MICAL2: variants seen among roughly 807,000 people sequenced by gnomAD.
MICAL2 encodes the protein microtubule associated monooxygenase, calponin and LIM domain containing 2.
In MICAL2, 77 loss-of-function variants were observed where a neutral mutation model predicts 127.3. The ratio of observed to expected loss-of-function variants is 0.60; its 90% CI spans 0.50 to 0.73. The LOEUF (loss-of-function observed/expected upper bound fraction) is 0.73, where lower values mean the gene tolerates loss of function less well. Among genes scored for constraint, MICAL2 ranks in the 30% least tolerant of loss-of-function variants. The pLI, the probability that MICAL2 is intolerant of heterozygous loss-of-function variation, is 0.00. For missense variants in MICAL2, 1,351 were observed against 1,434.4 expected (o/e 0.94, Z 0.94); for synonymous variants, 570 against 551.1 (o/e 1.03, Z -0.48).
At chr11:12,275,263 G>A (rs10765937), upstream of MICAL2, among the ~76,000 whole-genome samples, 10 of 151,978 alleles carry the variant, frequency 6.6e-5, no homozygotes, top group Non-Finnish European at 1.5e-4. Flanking sequence ...TGTTAGACAC[G>A]TAGACGGAGA....
In MICAL2 at chr11:12,133,232, C is replaced by A. The variant is rs539905391; in HGVS notation, c.-148-5158C>A. Among the ~76,000 whole-genome samples, 3 of 152,244 alleles carry A rather than the reference C, an allele frequency of 2.0e-5. No individual in the cohort carries two copies. The East Asian group carries it at 5.8e-4, about 29-fold the overall frequency. ...AAGTAGCTGGGATTACAGGCGTGCG[C>A]CACCACACCTGGCTAATTTTTGTAT... is the stretch of plus-strand genomic sequence containing the variant. On this transcript the variant is annotated intron_variant, in intron 1 of 27. Coordinates refer to ENST00000683283, the MANE Select transcript of MICAL2 (RefSeq NM_001282663.2).
chr11:12,195,990 T>C (rs1391818081), intron 3 of MICAL2: 1 of 153,222 alleles, frequency 6.5e-6, no homozygotes, highest in African/African-American at 2.4e-5. Context: ...TGATCTGACT[T>C]GAGGAGGACT....
At chr11:12,320,155 G>A (rs966224847) in intron 30 of MICAL2, among the ~76,000 whole-genome samples, 1 of 152,094 alleles carries the variant, frequency 6.6e-6, no homozygotes, top group African/African-American at 2.4e-5. Flanking sequence ...TTTCCCTGGG[G>A]GAAGCACAGC....
downstream of MICAL2, chr11:12,358,486 C>T: frequency 6.2e-7 from 1 of 1,612,222 alleles, no homozygotes; most frequent in African/African-American, 1.3e-5. Context: ...TTGAGGAGGC[C>T]CGTAGTCCCT....
At chr11:12,340,836 G>T (rs1325199886) in intron 32 of MICAL2, among the ~76,000 whole-genome samples, 2 of 152,040 alleles carry the variant, frequency 1.3e-5, no homozygotes, top group South Asian at 2.1e-4. Flanking sequence ...TAATTTTTTT[G>T]TTTCTAAAGA....
chr11:12,178,001 G>C (rs1339821631), intron 3 of MICAL2, among the ~76,000 whole-genome samples: 2 of 152,236 alleles, frequency 1.3e-5, no homozygotes, highest in African/African-American at 4.8e-5. Flanking sequence ...ATGCTGATAA[G>C]ATGCTTGGTG....
chr11:12,359,204 C>G (rs533809431), downstream of MICAL2: 8 of 152,432 alleles, frequency 5.2e-5, no homozygotes, highest in East Asian at 1.2e-3. Flanking sequence ...TTAGTGTTCA[C>G]CAAACACTGC....
In MICAL2 at chr11:12,213,417, C is replaced by T. The variant is rs541367446; in HGVS notation, c.847+7C>T. 1 of 1,611,218 alleles carries T rather than the reference C, an allele frequency of 6.2e-7. No homozygotes were observed. Among genetic ancestry groups the T allele is most frequent in the Non-Finnish European group, 8.5e-7 (1 of 1,178,370 alleles). On this transcript the variant is annotated splice_region_variant and intron_variant, in intron 7 of 27. Coordinates refer to ENST00000683283, the MANE Select transcript of MICAL2 (RefSeq NM_001282663.2). ...GACCTTAAAGAAGAAACAGGTGGGACCTTCACCTTTCTCCCAACCAGGCCA... is the reference window on the plus strand; with the variant it reads ...GACCTTAAAGAAGAAACAGGTGGGATCTTCACCTTTCTCCCAACCAGGCCA...
chr11:12,189,362 T>G (rs1320730498), intron 3 of MICAL2, among the ~76,000 whole-genome samples: 21 of 152,222 alleles, frequency 1.4e-4, no homozygotes, highest in Non-Finnish European at 1.5e-5. Context: ...AAATGTGACA[T>G]ATCCATCTGT....
chr11:12,340,181 A>G (rs1170825705), intron 32 of MICAL2, among the ~76,000 whole-genome samples: 4 of 152,212 alleles, frequency 2.6e-5, no homozygotes, highest in African/African-American at 9.7e-5. Flanking sequence ...GCATTCTAGA[A>G]TATTCCCACT....
At chr11:12,357,620 C>G (rs35434027) in intron 34 of MICAL2, among the ~76,000 whole-genome samples, 1 of 152,016 alleles carries the variant, frequency 6.6e-6, no homozygotes, top group Non-Finnish European at 1.5e-5. Flanking sequence ...GGGCTGATCA[C>G]TAGGTCAGGA....
At position 12,208,058 on chromosome 11, in the gene MICAL2, G is replaced by A; in HGVS notation, c.508G>A (p.Ala170Thr). Residue 170 changes from alanine to threonine, a missense_variant, in exon 5 of 28, where the codon GCC (alanine) becomes ACC (threonine). Ala to Thr is a moderately conservative substitution (Grantham distance 58). Transcript: ENST00000683283. ...ACTACAGCTCATCCTATTCAAGGTG[G>A]CCCTGATGCTGGGAGTTGAAATCCA... ...RQLQLILFKV[A>T]LMLGVEIHVN... The A allele has an allele frequency of 6.2e-7, 1 of 1,614,190 alleles. No homozygotes were observed. Among genetic ancestry groups the A allele is most frequent in the Non-Finnish European group, 8.5e-7 (1 of 1,180,024 alleles).
At chr11:12,222,473 G>T in intron 10 of MICAL2, 144 bp from the exon 11 acceptor site, 1 of 1,132,426 alleles carries the variant, frequency 8.8e-7, no homozygotes, top group East Asian at 2.6e-5. Flanking sequence ...TCAAGAACCA[G>T]GAGAGTCAGG....
chr11:12,273,456 A>T (rs1475258735), upstream of MICAL2, among the ~76,000 whole-genome samples: 1 of 152,104 alleles, frequency 6.6e-6, no homozygotes, highest in African/African-American at 2.4e-5. Flanking sequence ...ACACTAACTT[A>T]GAAGTGTAGA....
Position 12,243,999 on chromosome 11 carries a change from T to C in MICAL2, c.2671T>C (p.Ser891Pro). The change falls in exon 21 of 28, where the codon TCT becomes CCT. Residue 891 changes from serine (S) to proline (P), a missense_variant. By Grantham distance (74) the Ser-to-Pro change is moderately conservative. Around this residue, in one of 2 missense-constraint regions of MICAL2, gnomAD observed 752 missense variants for 719.4 expected, o/e 1.05. Coordinates refer to ENST00000683283, the MANE Select transcript of MICAL2 (RefSeq NM_001282663.2). Reference sequence around the variant, plus strand: ...CTGTTCTGTGCAGAATAAACTACTCTCTAAAGGCCTGTCTCATACTCATCC... The same window carrying C: ...CTGTTCTGTGCAGAATAAACTACTCCCTAAAGGCCTGTCTCATACTCATCC... Reference protein sequence around the residue: ...HGDFPQNKLLSKGLSHTHPPS... With the variant: ...HGDFPQNKLLPKGLSHTHPPS... 1 of 1,613,950 alleles carries C rather than the reference T, an allele frequency of 6.2e-7. No individual in the cohort carries two copies.
At chr11:12,249,340 TCAG>T in intron 22 of MICAL2, 94 bp downstream of exon 22, 1 of 748,232 alleles carries the variant, frequency 1.3e-6, no homozygotes, top group Admixed American at 2.1e-5. Flanking sequence ...GCGCATATGA[TCAG>T]CAGCAGTACA....
intron 3 of MICAL2, among the ~76,000 whole-genome samples, chr11:12,175,336 C>T (rs1025391887): frequency 1.3e-5 from 2 of 151,828 alleles, no homozygotes; most frequent in East Asian, 1.9e-4. Context: ...ATTAGCCAGG[C>T]GTGGTGGTGG....
intron 26 of MICAL2, 126 bp from the exon 27 acceptor site, chr11:12,262,354 T>C (rs1863243760): frequency 1.3e-6 from 2 of 1,545,282 alleles, no homozygotes; most frequent in Non-Finnish European, 8.7e-7. Flanking sequence ...AGTTTCCCTC[T>C]TTCAATCGTG....
intron 1 of MICAL2, among the ~76,000 whole-genome samples, chr11:12,125,075 G>A (rs986724003): frequency 2.6e-5 from 4 of 152,302 alleles, no homozygotes; most frequent in African/African-American, 9.6e-5. Flanking sequence ...GGCTTCCTGC[G>A]CTCTCAGGGT....
Sources: allele counts gnomAD v4.1 joint callset (sites outside exome capture counted in the v4.1 genomes callset), GRCh38; gene constraint gnomAD v4.1.1; regional missense constraint gnomAD v4.1.1; transcripts MANE v1.5; gene names NCBI Gene and HGNC (gene_info 2026-07-23, HGNC 2026-07-21).